Variants in SCAPER observed in about 807,000 individuals in gnomAD.
The protein encoded by SCAPER is S-phase cyclin A associated protein in the ER.
SCAPER carries 98 observed loss-of-function variants against 182.2 expected under a neutral mutation model. The ratio of observed to expected loss-of-function variants is 0.54; its 90% CI spans 0.46 to 0.64. SCAPER has a LOEUF of 0.64. SCAPER is among the 30% of genes least tolerant of loss of function. The probability of loss-of-function intolerance (pLI) is 0.00; values close to 1 mark genes in which losing one functional copy is unlikely to be tolerated. For missense variants in SCAPER, 1,432 were observed against 1,690.0 expected (o/e 0.85, Z 2.68); for synonymous variants, 605 against 564.6 (o/e 1.07, Z -1.01).
chr15:76,691,837 TCAAA>T (rs772964909), intron 20 of SCAPER, among the ~76,000 whole-genome samples: 13 of 152,282 alleles, frequency 8.5e-5, no homozygotes, highest in Non-Finnish European at 1.2e-4. Flanking sequence ...AAAAGACGTA[TCAAA>T]CAGATACTAA....
In SCAPER at chr15:76,857,808, C is replaced by T. The variant is rs1197672797; in HGVS notation, c.195+1G>A. On this transcript the variant is annotated splice_donor_variant, in intron 4 of 31. Coordinates refer to ENST00000563290, the MANE Select transcript of SCAPER (RefSeq NM_020843.4). LOFTEE classifies it high-confidence loss of function. Reference sequence around the variant, plus strand: ...AAGTAAAAAAGTTATAGATGCTGTACCTGTTTAGTAGTTTTATGAGTGCCT... The same window carrying T: ...AAGTAAAAAAGTTATAGATGCTGTATCTGTTTAGTAGTTTTATGAGTGCCT... 2.6e-6 allele frequency: 4 copies of T among 1,523,852 alleles called. No homozygotes were observed. The highest frequency in any genetic ancestry group is 2.8e-5 in the African/African-American group (2 of 72,378). The allele number at this position is 1,523,852 out of a possible 1,614,324, so 94.4% of individuals were successfully genotyped here. A position where few individuals can be genotyped will look rare whatever the true frequency, so the allele number is the denominator to read the frequency against.
intron 4 of SCAPER, among the ~76,000 whole-genome samples, chr15:76,854,327 G>C (rs1014134477): frequency 6.6e-6 from 1 of 151,892 alleles, no homozygotes; most frequent in East Asian, 1.9e-4. Flanking sequence ...GCCAAGCCGA[G>C]AGTCAAATCA....
intron 1 of SCAPER, among the ~76,000 whole-genome samples, chr15:76,894,646 A>C (rs1217923855): frequency 6.6e-6 from 1 of 152,146 alleles, no homozygotes; most frequent in Admixed American, 6.5e-5. Flanking sequence ...AAACTGAAAA[A>C]CCTTTAGCTA....
intron 26 of SCAPER, among the ~76,000 whole-genome samples, chr15:76,429,005 G>T (rs895663246): frequency 6.6e-6 from 1 of 151,078 alleles, no homozygotes; most frequent in Non-Finnish European, 1.5e-5. Flanking sequence ...CTTGGTGGGA[G>T]GCAATCGAAT....
At chr15:76,513,936 G>C (rs1182533388) in intron 23 of SCAPER, among the ~76,000 whole-genome samples, 1 of 152,136 alleles carries the variant, frequency 6.6e-6, no homozygotes, top group East Asian at 1.9e-4. Flanking sequence ...TGTATATTTA[G>C]CTGTATTTTT....
rs1468869844 is a variant in SCAPER at position 76,365,849 on chromosome 15, C to T, written c.3855+10313G>A. Among the ~76,000 whole-genome samples the T allele has an allele frequency of 2.6e-5, 4 of 152,208 alleles. 1 individual carries two copies. The South Asian group carries it at 8.3e-4, about 32-fold the overall frequency. The stretch of plus-strand genomic sequence containing the variant: ...TGATCTCTGAAGGCCTGTGAACCTG[C>T]AGACATAATATAATCCTGTGCTATG... On this transcript the variant is annotated intron_variant, in intron 29 of 31. Coordinates refer to ENST00000563290, the MANE Select transcript of SCAPER (RefSeq NM_020843.4).
chr15:76,619,583 C>A (rs992099086), intron 22 of SCAPER, among the ~76,000 whole-genome samples: 1 of 151,986 alleles, frequency 6.6e-6, no homozygotes, highest in Admixed American at 6.6e-5. Context: ...ATTATTTTTT[C>A]TTTCTTTTTT....
intron 20 of SCAPER, among the ~76,000 whole-genome samples, chr15:76,671,042 T>C (rs950190546): frequency 7.9e-5 from 12 of 152,306 alleles, no homozygotes; most frequent in African/African-American, 2.9e-4. Context: ...GTAATAGTCA[T>C]TAAAATCCTT....
At chr15:76,389,328 C>T (rs900791367) in intron 27 of SCAPER, among the ~76,000 whole-genome samples, 9 of 151,260 alleles carry the variant, frequency 6.0e-5, no homozygotes, top group African/African-American at 2.2e-4. Context: ...TGGTGAAACC[C>T]TGTCTCTACT....
Position 76,821,454 on chromosome 15 carries a change from A to T in SCAPER, c.394-16821T>A, listed in dbSNP as rs113283931. Among the ~76,000 whole-genome samples, 1,192 of 152,254 alleles carry T rather than the reference A, an allele frequency of 7.8e-3. 10 individuals are homozygous for T. Among genetic ancestry groups the T allele is most frequent in the African/African-American group, 0.027 (1,131 of 41,542 alleles). On this transcript the variant is annotated intron_variant, in intron 5 of 31. Transcript: ENST00000563290. ...AGGAACATGGCAAAACTCCATCTCT[A>T]CAAAAAAAATACAGAAAATTAGCCA...
intron 29 of SCAPER, among the ~76,000 whole-genome samples, chr15:76,370,550 C>T (rs2042099241): frequency 6.6e-6 from 1 of 152,078 alleles, no homozygotes. Flanking sequence ...AGTGATCTGC[C>T]TGCCTCGGCT....
intron 24 of SCAPER, among the ~76,000 whole-genome samples, chr15:76,499,558 T>G (rs1317669997): frequency 6.6e-6 from 1 of 152,228 alleles, no homozygotes; most frequent in Non-Finnish European, 1.5e-5. Flanking sequence ...TCCTATGATT[T>G]ACAAATAATG....
chr15:76,745,849 C>T (rs1170613503), intron 15 of SCAPER, among the ~76,000 whole-genome samples: 2 of 152,016 alleles, frequency 1.3e-5, no homozygotes, highest in African/African-American at 2.4e-5. Context: ...AAAATCAAAG[C>T]CTTTGGAACC....
At chr15:76,578,309 C>T (rs1015849167) in intron 22 of SCAPER, among the ~76,000 whole-genome samples, 2 of 152,088 alleles carry the variant, frequency 1.3e-5, no homozygotes, top group Non-Finnish European at 1.5e-5. Flanking sequence ...ATAAGCCTGG[C>T]GGGTTTTGCT....
intron 25 of SCAPER, among the ~76,000 whole-genome samples, chr15:76,450,556 T>C (rs898279320): frequency 3.3e-5 from 5 of 152,168 alleles, no homozygotes; most frequent in Admixed American, 6.5e-5. Flanking sequence ...AGCATATATA[T>C]ACACATATAT....
At chr15:76,741,002 C>G (rs948096870) in intron 15 of SCAPER, among the ~76,000 whole-genome samples, 1 of 152,070 alleles carries the variant, frequency 6.6e-6, no homozygotes, top group African/African-American at 2.4e-5. Context: ...ACTCCAAACT[C>G]TCAATACGTT....
intron 29 of SCAPER, among the ~76,000 whole-genome samples, chr15:76,375,148 G>A (rs1388162867): frequency 3.6e-5 from 5 of 137,766 alleles, no homozygotes; most frequent in African/African-American, 1.3e-4. Flanking sequence ...AGCCCAGGGG[G>A]TCAAGGCTGC....
intron 24 of SCAPER, among the ~76,000 whole-genome samples, chr15:76,483,544 T>C (rs1165034362): frequency 6.6e-6 from 1 of 152,044 alleles, no homozygotes; most frequent in African/African-American, 2.4e-5. Context: ...AAAAGCACTG[T>C]TAAGAGAACG....
At chr15:76,786,354 T>C (rs1598731548) in intron 8 of SCAPER, among the ~76,000 whole-genome samples, 1 of 143,382 alleles carries the variant, frequency 7.0e-6, no homozygotes, top group South Asian at 2.2e-4. Flanking sequence ...AATCAATCAA[T>C]GTAATTCACC....
Sources: gnomAD v4.1 joint callset for allele counts (sites outside exome capture counted in the v4.1 genomes callset) on GRCh38, gnomAD v4.1.1 for gene constraint, MANE v1.5 for transcripts, NCBI Gene and HGNC (gene_info 2026-07-23, HGNC 2026-07-21) for gene names.